VAV2: variants seen among roughly 807,000 people sequenced by gnomAD.
VAV2 encodes vav guanine nucleotide exchange factor 2.
In VAV2, 67 loss-of-function variants were observed where a neutral mutation model predicts 132.5. That is an observed-to-expected ratio of 0.51 (90% CI 0.42 to 0.62). The LOEUF (loss-of-function observed/expected upper bound fraction) is 0.62. VAV2 is among the 20% of genes least tolerant of loss of function. The probability of loss-of-function intolerance (pLI) is 0.00; values close to 1 mark genes in which losing one functional copy is unlikely to be tolerated. For missense variants in VAV2, 938 were observed against 1,153.6 expected (o/e 0.81, Z 2.71); for synonymous variants, 492 against 443.5 (o/e 1.11, Z -1.37).
intron 3 of VAV2, among the ~76,000 whole-genome samples, chr9:133,845,758 C>T (rs572392702): frequency 6.6e-6 from 1 of 152,346 alleles, no homozygotes; most frequent in East Asian, 1.9e-4. Flanking sequence ...TCTCTGAGTC[C>T]ACTGGGATGG....
At position 133,912,678 on chromosome 9, in the gene VAV2, C is replaced by G. The variant is rs1190786597; in HGVS notation, c.321+26425G>C. ...CACTCCCGAGGCGCTCCCAAGCTGTCAGGCAGCCATCCTCAGGGGCTGCAG... is the reference window on the plus strand; with the variant it reads ...CACTCCCGAGGCGCTCCCAAGCTGTGAGGCAGCCATCCTCAGGGGCTGCAG... On this transcript the variant is annotated intron_variant, in intron 2 of 29. Coordinates refer to ENST00000371850, the MANE Select transcript of VAV2 (RefSeq NM_001134398.2). The surrounding 1 kb of genome is among the most constrained non-coding windows in gnomAD (Gnocchi z 4.3). Among the ~76,000 whole-genome samples the G allele has an allele frequency of 2.0e-5, 3 of 152,182 alleles. No individual in the cohort carries two copies. Among genetic ancestry groups the G allele is most frequent in the African/African-American group, 7.2e-5 (3 of 41,440 alleles).
intron 3 of VAV2, among the ~76,000 whole-genome samples, chr9:133,843,592 C>G (rs1287048492): frequency 6.6e-6 from 1 of 152,166 alleles, no homozygotes; most frequent in Non-Finnish European, 1.5e-5. Context: ...CCCTACACCC[C>G]CTGGCCTCAG....
At chr9:133,770,177 G>A (rs923175021) in intron 27 of VAV2, among the ~76,000 whole-genome samples, 1 of 152,228 alleles carries the variant, frequency 6.6e-6, no homozygotes, top group African/African-American at 2.4e-5. Context: ...ATTCTGAGCA[G>A]GTGCAGAGTC....
At chr9:133,861,133 A>G (rs996100390) in intron 3 of VAV2, 16 of 465,428 alleles carry the variant, frequency 3.4e-5, no homozygotes, top group African/African-American at 8.0e-5. Flanking sequence ...ACCTAAATCG[A>G]AAGAGATTTT....
chr9:133,979,385 G>C (rs1467301056), intron 1 of VAV2, among the ~76,000 whole-genome samples: 1 of 152,184 alleles, frequency 6.6e-6, no homozygotes, highest in East Asian at 1.9e-4. Context: ...TCCACCCTAG[G>C]AATGTGTCGG....
chr9:133,880,134 G>A lies in VAV2; in HGVS notation c.322-18702C>T, dbSNP rs1338352135. Among the ~76,000 whole-genome samples, 3 of 150,102 alleles carry A rather than the reference G, an allele frequency of 2.0e-5. No homozygotes were observed. In the East Asian group the frequency reaches 5.8e-4, roughly 29 times the overall value. On this transcript the variant is annotated intron_variant, in intron 2 of 29. Coordinates refer to ENST00000371850, the MANE Select transcript of VAV2 (RefSeq NM_001134398.2). ...CCACCTGGACCCACCTGCGCCGTCTGCAGGAAGAGGGGCTAGGCATCCCTC... is the reference window on the plus strand; with the variant it reads ...CCACCTGGACCCACCTGCGCCGTCTACAGGAAGAGGGGCTAGGCATCCCTC...
intron 24 of VAV2, 33 bp from the exon 25 acceptor site, chr9:133,775,084 G>C (rs369341240): frequency 1.9e-6 from 3 of 1,556,070 alleles, no homozygotes; most frequent in Non-Finnish European, 2.6e-6. Context: ...AACGAGAGCC[G>C]CAGTGAGGAC....
rs533361404 is a variant in VAV2 at position 133,992,288 on chromosome 9, G to A, written c.-10C>T. ...GCCGCCACTGCTCCATGGCGCCCGC[G>A]GGCCCGACCGGCTCAGGGCAGTGCT... On this transcript the variant is annotated 5_prime_UTR_variant, in exon 1 of 30. Coordinates refer to ENST00000371850, the MANE Select transcript of VAV2 (RefSeq NM_001134398.2). The surrounding 1 kb of genome is among the most constrained non-coding windows in gnomAD (Gnocchi z 5.5). 136 of 1,525,646 alleles carry A rather than the reference G, an allele frequency of 8.9e-5. 5 individuals carry two copies. The South Asian group carries it at 1.4e-3, about 16-fold the overall frequency. The allele number at this position is 1,525,646 out of a possible 1,614,324, so 94.5% of individuals were successfully genotyped here.
chr9:133,825,560 G>T (rs1340530970), intron 4 of VAV2, among the ~76,000 whole-genome samples: 1 of 152,094 alleles, frequency 6.6e-6, no homozygotes, highest in East Asian at 1.9e-4. Flanking sequence ...GCTCAACTCG[G>T]GCTCCACACT....
chr9:133,770,458 A>G lies in VAV2; in HGVS notation c.2267T>C (p.Phe756Ser). The G allele has an allele frequency of 6.2e-7, 1 of 1,613,992 alleles. No individual in the cohort carries two copies. The highest frequency in any genetic ancestry group is 8.5e-7 in the Non-Finnish European group (1 of 1,179,946). ...CTTGAGTGTGGTGTCCAGCTGCTTG[A>G]AGCTCTCCTTCAGTGAGTGGCACTG... ...YYQCHSLKES[F>S]KQLDTTLKYP... is the part of the protein sequence containing the mutation. Residue 756 changes from phenylalanine (F) to serine (S), a missense_variant, in exon 27 of 30, where the codon TTC becomes TCC. Phe to Ser is a radical substitution (Grantham distance 155, BLOSUM62 -2). Coordinates refer to ENST00000371850, the MANE Select transcript of VAV2 (RefSeq NM_001134398.2).
chr9:133,809,087 G>A lies in VAV2; in HGVS notation c.619C>T (p.Gln207Ter). The A allele has an allele frequency of 1.9e-6, 3 of 1,613,992 alleles. No individual in the cohort carries two copies. Among genetic ancestry groups the A allele is most frequent in the South Asian group, 1.1e-5 (1 of 91,082 alleles). ...DKRNCCLLEI[Q>*]ETEAKYYRTL... ...CGGTAGTACTTGGCCTCGGTCTCCT[G>A]GATCTCCAGCAGGCAGCAGTTCCTC... Residue 207 changes from glutamine to a stop codon, truncating the protein, a stop_gained, in exon 7 of 30, where the codon CAG becomes TAG. Coordinates refer to ENST00000371850, the MANE Select transcript of VAV2 (RefSeq NM_001134398.2). LOFTEE classifies it high-confidence loss of function.
chr9:133,904,935 C>CA (rs1445072979), intron 2 of VAV2, among the ~76,000 whole-genome samples: 2 of 152,254 alleles, frequency 1.3e-5, no homozygotes, highest in African/African-American at 2.4e-5. Context: ...ACTGGGCAGT[C>CA]AGACTTGGGG....
Position 133,802,678 on chromosome 9 carries a change from T to C in VAV2, c.836+3403A>G, listed in dbSNP as rs1834981788. 6.6e-6 allele frequency among the ~76,000 whole-genome samples: 1 copy of C among 152,224 alleles called. No individual in the cohort carries two copies. The highest frequency in any genetic ancestry group is 1.5e-5 in the Non-Finnish European group (1 of 68,036). On this transcript the variant is annotated intron_variant, in intron 9 of 29. Coordinates refer to ENST00000371850, the MANE Select transcript of VAV2 (RefSeq NM_001134398.2). This position sits in a 1 kb window ranked among gnomAD's most constrained non-coding sequence, Gnocchi z 5.8. ...TTAACTTTCTGAGTACGTCAAATTC[T>C]GAACCCACCACACGGTGCACAAATG...
intron 4 of VAV2, among the ~76,000 whole-genome samples, chr9:133,816,619 G>T (rs12337374): frequency 6.6e-6 from 1 of 152,038 alleles, no homozygotes; most frequent in Non-Finnish European, 1.5e-5. Flanking sequence ...TGTCGTCCCA[G>T]CTACTAAGGA....
chr9:133,773,311 T>TA (rs76544740), intron 25 of VAV2, among the ~76,000 whole-genome samples: 1 of 151,856 alleles, frequency 6.6e-6, no homozygotes, highest in East Asian at 1.9e-4. Context: ...GTAGAAAAGA[T>TA]AAAAAACAGG....
At chr9:133,779,501 A>C (rs998359195) in intron 21 of VAV2, among the ~76,000 whole-genome samples, 1 of 152,258 alleles carries the variant, frequency 6.6e-6, no homozygotes, top group African/African-American at 2.4e-5. Context: ...ACTGCACTCA[A>C]GTTTGCAGAG....
chr9:133,973,568 C>T (rs1191893506), intron 1 of VAV2, among the ~76,000 whole-genome samples: 1 of 152,170 alleles, frequency 6.6e-6, no homozygotes, highest in Non-Finnish European at 1.5e-5. Context: ...AAGAAGCTGG[C>T]GCAGACGAGC....
intron 1 of VAV2, among the ~76,000 whole-genome samples, chr9:133,942,924 G>C (rs2132150216): frequency 6.6e-6 from 1 of 152,340 alleles, no homozygotes; most frequent in African/African-American, 2.4e-5. Flanking sequence ...CAAAGCCTGG[G>C]GGCCACGTCA....
chr9:133,874,025 T>G (rs1199814108), intron 2 of VAV2, among the ~76,000 whole-genome samples: 2 of 152,210 alleles, frequency 1.3e-5, no homozygotes, highest in Non-Finnish European at 2.9e-5. Context: ...CACGAGATGG[T>G]TCTGTGGCTC....
Sources: gnomAD v4.1 joint callset for allele counts (sites outside exome capture counted in the v4.1 genomes callset) on GRCh38, gnomAD v4.1.1 for gene constraint, Gnocchi (gnomAD v3.1) non-coding constraint, MANE v1.5 for transcripts, NCBI Gene and HGNC (gene_info 2026-07-23, HGNC 2026-07-21) for gene names.